The following UNC5B variants were observed in gnomAD, a reference collection of about 807,000 sequenced individuals.
UNC5B encodes unc-5 netrin receptor B.
UNC5B carries 56 observed loss-of-function variants against 103.7 expected under a neutral mutation model. The ratio of observed to expected loss-of-function variants is 0.54; its 90% CI spans 0.44 to 0.67. The LOEUF (loss-of-function observed/expected upper bound fraction) is 0.67. UNC5B is among the 30% of genes least tolerant of loss of function. The pLI is 0.00. For synonymous variants in UNC5B, 577 were observed against 542.0 expected (o/e 1.06, Z -0.90); for missense variants, 1,194 against 1,284.5 (o/e 0.93, Z 1.08).
In UNC5B at chr10:71,287,610, G is replaced by A. The variant is rs773362458; in HGVS notation, c.746G>A (p.Trp249Ter). The A allele has an allele frequency of 1.3e-6, 2 of 1,596,930 alleles. No homozygotes were observed. The highest frequency in any genetic ancestry group is 1.3e-5 in the African/African-American group (1 of 74,168). Reference protein sequence around the residue: ...ATVIVYVNGGWSSWAEWSPCS... With the variant: ...ATVIVYVNGG ...TGCCGCCTTGCAGTGAATGGCGGCT[G>A]GTCCAGCTGGGCAGAGTGGTCACCC... Residue 249 changes from tryptophan to a stop codon, truncating the protein, a stop_gained, in exon 6 of 17, where the codon TGG becomes TAG. Transcript: ENST00000335350. LOFTEE classifies it high-confidence loss of function.
In UNC5B at chr10:71,293,552, G is replaced by A. The variant is rs1407190393; in HGVS notation, c.1920G>A (p.Gln640=). Residue 640 remains glutamine (Q), a synonymous_variant, in exon 12 of 17, where the codon CAG becomes CAA. Coordinates refer to ENST00000335350, the MANE Select transcript of UNC5B (RefSeq NM_170744.5). ...ACTGGATCTTTCAGCTCAAGACCCA[G>A]GCCCACCAGGGCCACTGGGAGGTGA... ...ARDWIFQLKT[Q]AHQGHWEEVV... 9.9e-6 allele frequency: 16 copies of A among 1,613,724 alleles called. No homozygotes were observed. The highest frequency in any genetic ancestry group is 1.3e-5 in the Non-Finnish European group (15 of 1,180,018).
At chr10:71,249,908 C>T (rs533567818) in intron 1 of UNC5B, among the ~76,000 whole-genome samples, 1 of 152,334 alleles carries the variant, frequency 6.6e-6, no homozygotes, top group South Asian at 2.1e-4. Flanking sequence ...CACTCCAGTG[C>T]TCAGGCTGTG....
intron 1 of UNC5B, among the ~76,000 whole-genome samples, chr10:71,221,831 G>A (rs1843457774): frequency 6.6e-6 from 1 of 152,174 alleles, no homozygotes; most frequent in African/African-American, 2.4e-5. Flanking sequence ...GTGTCTTAGA[G>A]CAAGTTGCTT....
intron 1 of UNC5B, among the ~76,000 whole-genome samples, chr10:71,234,435 CTA>C (rs1196616622): frequency 3.3e-5 from 5 of 152,234 alleles, no homozygotes; most frequent in Admixed American, 1.3e-4. Context: ...GCTCTCTGCT[CTA>C]TGAAAAGGAC....
At chr10:71,235,905 C>T (rs1291896980) in intron 1 of UNC5B, among the ~76,000 whole-genome samples, 3 of 152,236 alleles carry the variant, frequency 2.0e-5, no homozygotes, top group Non-Finnish European at 2.9e-5. Context: ...ATCCCCACCT[C>T]GCCCACTGGC....
intron 1 of UNC5B, among the ~76,000 whole-genome samples, chr10:71,227,436 A>G (rs1284288617): frequency 6.6e-6 from 1 of 151,904 alleles, no homozygotes; most frequent in Non-Finnish European, 1.5e-5. Flanking sequence ...GGAGGGGGTG[A>G]GGGATAAAAG....
chr10:71,299,295 G>T lies in UNC5B; in HGVS notation c.*18G>T. ...ACTGCTGAGCCTCCTGGGACAGCGG[G>T]CTGGCAGGGACTGGCAGGAGGCAGG... On this transcript the variant is annotated 3_prime_UTR_variant, in exon 17 of 17. Coordinates refer to ENST00000335350, the MANE Select transcript of UNC5B (RefSeq NM_170744.5). 4 of 1,612,940 alleles carry T rather than the reference G, an allele frequency of 2.5e-6. No individual in the cohort carries two copies. The highest frequency in any genetic ancestry group is 3.4e-6 in the Non-Finnish European group (4 of 1,179,724).
chr10:71,228,578 A>T (rs1843618277), intron 1 of UNC5B, among the ~76,000 whole-genome samples: 1 of 152,254 alleles, frequency 6.6e-6, no homozygotes. Context: ...CAGACAATGC[A>T]CAAAATAAAA....
At chr10:71,244,985 A>G (rs1373275750) in intron 1 of UNC5B, among the ~76,000 whole-genome samples, 2 of 152,166 alleles carry the variant, frequency 1.3e-5, no homozygotes, top group Non-Finnish European at 2.9e-5. Context: ...GTGTGTGTTT[A>G]TTTTGGACAG....
intron 1 of UNC5B, among the ~76,000 whole-genome samples, chr10:71,239,000 A>G (rs1470094689): frequency 6.6e-6 from 1 of 152,046 alleles, no homozygotes; most frequent in Non-Finnish European, 1.5e-5. Context: ...AGACTTAGAA[A>G]TGGAGGCCTG....
At chr10:71,260,064 G>C (rs144628469) in intron 1 of UNC5B, among the ~76,000 whole-genome samples, 1 of 152,192 alleles carries the variant, frequency 6.6e-6, no homozygotes, top group Non-Finnish European at 1.5e-5. Flanking sequence ...AGAGAGGTAG[G>C]GGGGGCATGA....
At chr10:71,243,615 T>A (rs1843957265) in intron 1 of UNC5B, among the ~76,000 whole-genome samples, 1 of 152,170 alleles carries the variant, frequency 6.6e-6, no homozygotes, top group Non-Finnish European at 1.5e-5. Context: ...CAGGGTTAGT[T>A]CCCTTCCCTG....
intron 1 of UNC5B, among the ~76,000 whole-genome samples, chr10:71,239,778 CT>C (rs1168791769): frequency 6.6e-6 from 1 of 152,162 alleles, no homozygotes; most frequent in African/African-American, 2.4e-5. Context: ...CAGAGGGCCC[CT>C]GGGTGACCCT....
chr10:71,234,668 G>A, intron 1 of UNC5B, among the ~76,000 whole-genome samples: 1 of 152,186 alleles, frequency 6.6e-6, no homozygotes, highest in Middle Eastern at 3.2e-3. Flanking sequence ...AGTGCAAGAG[G>A]CGTGTGGGGT....
At position 71,292,009 on chromosome 10, in the gene UNC5B, C is replaced by A. The variant is rs74900690; in HGVS notation, c.1684+188C>A. ...CTAGAAAAGCTAGGCTTCAAGCCTG[C>A]CTATGCCCTCACTAGGGCAGAGGAA... On this transcript the variant is annotated intron_variant, in intron 10 of 16. Coordinates refer to ENST00000335350, the MANE Select transcript of UNC5B (RefSeq NM_170744.5). 1.8e-4 allele frequency among the ~76,000 whole-genome samples: 28 copies of A among 152,332 alleles called. No individual in the cohort carries two copies. The East Asian group carries it at 5.0e-3, about 27-fold the overall frequency.
At chr10:71,257,475 C>T (rs993922478) in intron 1 of UNC5B, among the ~76,000 whole-genome samples, 11 of 152,226 alleles carry the variant, frequency 7.2e-5, no homozygotes, top group African/African-American at 2.7e-4. Context: ...GCTAGTGCCT[C>T]AGTGTATCCC....
intron 1 of UNC5B, among the ~76,000 whole-genome samples, chr10:71,257,904 A>G (rs1263288072): frequency 1.3e-5 from 2 of 152,226 alleles, no homozygotes; most frequent in African/African-American, 4.8e-5. Flanking sequence ...TGCCTGTGCT[A>G]AAGCCGTTTG....
At chr10:71,296,855 TG>T (rs1318438587) in intron 15 of UNC5B, 113 bp downstream of exon 15, 2 of 322,990 alleles carry the variant, frequency 6.2e-6, no homozygotes, top group African/African-American at 1.0e-4. Flanking sequence ...GAGGGAAGGG[TG>T]GGGCAGATAT....
At chr10:71,296,487 C>A in intron 14 of UNC5B, 91 bp from the exon 15 acceptor site, 1 of 1,473,426 alleles carries the variant, frequency 6.8e-7, no homozygotes, top group East Asian at 2.4e-5. Context: ...GAACTGCCCC[C>A]CAAAGCTCCC....
Sources: gnomAD v4.1 joint callset for allele counts (sites outside exome capture counted in the v4.1 genomes callset) on GRCh38, gnomAD v4.1.1 for gene constraint, MANE v1.5 for transcripts, NCBI Gene and HGNC (gene_info 2026-07-23, HGNC 2026-07-21) for gene names.